SFSWAP: variants seen among roughly 807,000 people sequenced by gnomAD.
SFSWAP encodes the protein splicing factor, suppressor of white-apricot homolog.
Under a neutral mutation model 100.7 loss-of-function variants are expected in SFSWAP, and 17 were observed. The observed-to-expected ratio is 0.17, with a 90% CI of 0.12 to 0.25. The LOEUF (loss-of-function observed/expected upper bound fraction) is 0.25, where lower values mean the gene tolerates loss of function less well. Among genes scored for constraint, SFSWAP ranks in the 10% least tolerant of loss-of-function variants. SFSWAP has a pLI of 1.00. For synonymous variants in SFSWAP, 504 were observed against 510.1 expected, an observed-to-expected ratio of 0.99 and a Z score of 0.16; for missense variants, 1,005 against 1,262.6, an observed-to-expected ratio of 0.80 and a Z score of 3.09.
Position 131,797,306 on chromosome 12 carries a change from A to C in SFSWAP, c.2663A>C (p.His888Pro). 1 of 1,611,332 alleles carries C rather than the reference A, an allele frequency of 6.2e-7. No individual in the cohort carries two copies. Among genetic ancestry groups the C allele is most frequent in the Non-Finnish European group, 8.5e-7 (1 of 1,178,956 alleles). Residue 888 changes from histidine (H) to proline (P), a missense_variant, in exon 16 of 18, where the codon CAC becomes CCC. Coordinates refer to ENST00000261674, the MANE Select transcript of SFSWAP (RefSeq NM_004592.4). The stretch of plus-strand genomic sequence containing the variant: ...GCGGCCCCCGCGGCCCACTCGGCGC[A>C]CTCAGCCAGCGTCTCCCCTGTGGAG... Reference protein sequence around the residue: ...RPAAPAAHSAHSASVSPVESR... With the variant: ...RPAAPAAHSAPSASVSPVESR...
chr12:131,722,194 A>G (rs550933775), intron 4 of SFSWAP, among the ~76,000 whole-genome samples: 25 of 152,350 alleles, frequency 1.6e-4, no homozygotes, highest in Admixed American at 1.6e-3. Context: ...TTTTTAAACT[A>G]ACTGTTGGTT....
chr12:131,721,758 G>A (rs1878494990), intron 4 of SFSWAP, among the ~76,000 whole-genome samples: 1 of 152,184 alleles, frequency 6.6e-6, no homozygotes, highest in Non-Finnish European at 1.5e-5. Context: ...ACTCATTGGA[G>A]AGCAAAGTAA....
At chr12:131,736,358 A>C (rs1165814668) in intron 7 of SFSWAP, among the ~76,000 whole-genome samples, 2 of 152,218 alleles carry the variant, frequency 1.3e-5, no homozygotes, top group African/African-American at 4.8e-5. Flanking sequence ...CAGAATGAAG[A>C]ATCATCTATT....
chr12:131,731,236 G>A (rs928791906), intron 7 of SFSWAP, among the ~76,000 whole-genome samples: 2 of 152,212 alleles, frequency 1.3e-5, no homozygotes, highest in South Asian at 4.1e-4. Flanking sequence ...CGTTACGTCG[G>A]GTCCTCCAGC....
intron 13 of SFSWAP, among the ~76,000 whole-genome samples, chr12:131,776,448 C>T (rs763604224): frequency 3.3e-5 from 5 of 152,230 alleles, no homozygotes; most frequent in African/African-American, 4.8e-5. Flanking sequence ...AGTGGAAACT[C>T]ATCTTAAATT....
At chr12:131,732,673 C>G (rs569167222) in intron 7 of SFSWAP, among the ~76,000 whole-genome samples, 3 of 152,326 alleles carry the variant, frequency 2.0e-5, no homozygotes, top group Non-Finnish European at 4.4e-5. Flanking sequence ...TCATATACAG[C>G]CTGTTATTCC....
chr12:131,792,793 A>T (rs928124842), intron 15 of SFSWAP, among the ~76,000 whole-genome samples: 4 of 152,380 alleles, frequency 2.6e-5, no homozygotes, highest in Admixed American at 6.5e-5. Flanking sequence ...GTTGACGCAG[A>T]GATGCAGTGC....
intron 14 of SFSWAP, among the ~76,000 whole-genome samples, chr12:131,780,551 G>A (rs116677667): frequency 0.016 from 2,414 of 152,280 alleles, 68 homozygotes; most frequent in African/African-American, 0.052. Context: ...GAGCTCAAGC[G>A]TAGAGTCTGA....
chr12:131,728,242 C>G (rs938190338), intron 6 of SFSWAP, 51 bp from the exon 7 acceptor site: 2 of 1,606,700 alleles, frequency 1.2e-6, no homozygotes, highest in African/African-American at 2.7e-5. Flanking sequence ...CAGAAGAGTT[C>G]TGCATGGTTC....
intron 14 of SFSWAP, among the ~76,000 whole-genome samples, chr12:131,781,596 T>C (rs528426485): frequency 3.9e-5 from 6 of 152,226 alleles, no homozygotes; most frequent in Non-Finnish European, 8.8e-5. Context: ...TACTCATTTG[T>C]TTGTAACTTT....
Position 131,778,067 on chromosome 12 carries a change from A to G in SFSWAP, c.2145A>G (p.Glu715=), listed in dbSNP as rs754439513. 3 of 1,605,120 alleles carry G rather than the reference A, an allele frequency of 1.9e-6. No homozygotes were observed. ...CCAGATTTTCCTTTTATTCTTAGGA[A>G]TCCAGCACTACGCCCTGCCCTCTAC... ...KIEESPFSVE[E]SSTTPCPLLT... Residue 715 remains glutamate (E), a splice_region_variant and synonymous_variant, in exon 14 of 18, where the codon GAA becomes GAG. Coordinates refer to ENST00000261674, the MANE Select transcript of SFSWAP (RefSeq NM_004592.4). This position sits in a 1 kb window ranked among gnomAD's most constrained non-coding sequence, Gnocchi z 4.2.
intron 7 of SFSWAP, among the ~76,000 whole-genome samples, chr12:131,744,144 G>C (rs940426303): frequency 1.3e-5 from 2 of 152,236 alleles, no homozygotes; most frequent in Non-Finnish European, 2.9e-5. Flanking sequence ...ATGTTCTAGA[G>C]ACATTTTCTG....
chr12:131,725,337 T>G lies in SFSWAP; in HGVS notation c.607-68T>G. ...TAAAACCAGAGTCATTTCTATGTTT[T>G]AATGAAATCACGTGGCCGGTGGACA... On this transcript the variant is annotated intron_variant, in intron 4 of 17. Coordinates refer to ENST00000261674, the MANE Select transcript of SFSWAP (RefSeq NM_004592.4). This position sits in a 1 kb window ranked among gnomAD's most constrained non-coding sequence, Gnocchi z 4.3. 1 of 1,301,154 alleles carries G rather than the reference T, an allele frequency of 7.7e-7. No individual in the cohort carries two copies. Among genetic ancestry groups the G allele is most frequent in the Non-Finnish European group, 1.1e-6 (1 of 896,970 alleles). 80.6% of individuals were successfully genotyped at this position (1,301,154 alleles called of 1,614,324 possible).
chr12:131,775,453 G>A (rs1883946199), intron 13 of SFSWAP, among the ~76,000 whole-genome samples: 1 of 152,172 alleles, frequency 6.6e-6, no homozygotes, highest in Admixed American at 6.5e-5. Context: ...TGCTCCTGAT[G>A]TAGAGGCCGT....
intron 7 of SFSWAP, among the ~76,000 whole-genome samples, chr12:131,746,032 A>T (rs965491946): frequency 1.3e-5 from 2 of 152,212 alleles, no homozygotes; most frequent in Non-Finnish European, 2.9e-5. Context: ...TGGTCTGGGA[A>T]ATTTGCTACA....
chr12:131,795,188 G>C (rs1013007995), intron 15 of SFSWAP, among the ~76,000 whole-genome samples: 1 of 152,188 alleles, frequency 6.6e-6, no homozygotes, highest in Admixed American at 6.5e-5. Flanking sequence ...CAAGTCATCT[G>C]CCCGGGCCCA....
At chr12:131,759,397 G>C (rs544052652) in intron 11 of SFSWAP, among the ~76,000 whole-genome samples, 2 of 152,330 alleles carry the variant, frequency 1.3e-5, no homozygotes, top group East Asian at 3.9e-4. Context: ...AGCCACTCCA[G>C]AGCATTAAGA....
chr12:131,799,123 C>G lies in SFSWAP; in HGVS notation c.2790+14C>G, dbSNP rs768480173. ...AAAATCACTCAGGTCAGTGGGCACG[C>G]CCCCCTCCCGCTCCCAGCCTTTCAT... On this transcript the variant is annotated intron_variant, in intron 17 of 17. Coordinates refer to ENST00000261674, the MANE Select transcript of SFSWAP (RefSeq NM_004592.4). The G allele has an allele frequency of 5.6e-6, 9 of 1,603,140 alleles. No homozygotes were observed. In the Admixed American group the frequency reaches 8.3e-5, roughly 15 times the overall value.
chr12:131,736,020 C>T (rs1297586343), intron 7 of SFSWAP, among the ~76,000 whole-genome samples: 2 of 152,198 alleles, frequency 1.3e-5, no homozygotes, highest in Non-Finnish European at 2.9e-5. Flanking sequence ...GCCTTCTCCC[C>T]TGGTGTTTGT....
Sources: gnomAD v4.1 joint callset for allele counts (sites outside exome capture counted in the v4.1 genomes callset) on GRCh38, gnomAD v4.1.1 for gene constraint, Gnocchi (gnomAD v3.1) non-coding constraint, MANE v1.5 for transcripts, NCBI Gene and HGNC (gene_info 2026-07-23, HGNC 2026-07-21) for gene names.